ASIC2: variants seen among roughly 807,000 people sequenced by gnomAD.
The protein encoded by ASIC2 is acid-sensing ion channel 2.
In ASIC2, 25 loss-of-function variants were observed where a neutral mutation model predicts 57.3. The observed-to-expected ratio is 0.44, with a 90% CI of 0.32 to 0.61. The LOEUF is 0.61. Ranked by LOEUF, ASIC2 falls within the 20% of genes least tolerant of loss-of-function variation. ASIC2 has a pLI of 0.06. For missense variants in ASIC2, 641 were observed against 738.1 expected (o/e 0.87, Z 1.52); for synonymous variants, 319 against 307.5 (o/e 1.04, Z -0.39).
At chr17:33,399,303 A>G (rs964362964) in intron 1 of ASIC2, among the ~76,000 whole-genome samples, 9 of 152,304 alleles carry the variant, frequency 5.9e-5, no homozygotes, top group African/African-American at 2.2e-4. Flanking sequence ...GATCTCTGAC[A>G]ACCTGTTTGC....
At chr17:33,423,585 T>C (rs959093662) in intron 1 of ASIC2, among the ~76,000 whole-genome samples, 2 of 152,196 alleles carry the variant, frequency 1.3e-5, no homozygotes, top group Non-Finnish European at 2.9e-5. Flanking sequence ...CACCCTATGG[T>C]AGACTTGCCT....
At chr17:33,878,744 G>C (rs1292129460) in intron 1 of ASIC2, among the ~76,000 whole-genome samples, 1 of 152,164 alleles carries the variant, frequency 6.6e-6, no homozygotes, top group African/African-American at 2.4e-5. Flanking sequence ...TCACATTCAG[G>C]AAATACAGAG....
At chr17:33,335,308 G>A (rs1309457572) in intron 1 of ASIC2, among the ~76,000 whole-genome samples, 1 of 152,188 alleles carries the variant, frequency 6.6e-6, no homozygotes, top group Admixed American at 6.5e-5. Flanking sequence ...CAAAAGTATA[G>A]TAATAATGAA....
chr17:33,183,618 T>A (rs1906071095), intron 1 of ASIC2, among the ~76,000 whole-genome samples: 1 of 152,236 alleles, frequency 6.6e-6, no homozygotes. Flanking sequence ...AGACACTGTA[T>A]CTGCTTTTCT....
chr17:33,245,708 CAT>C (rs1908665343), intron 1 of ASIC2, among the ~76,000 whole-genome samples: 1 of 151,902 alleles, frequency 6.6e-6, no homozygotes, highest in African/African-American at 2.4e-5. Context: ...CAGAGGGTAA[CAT>C]GAAAAAAGGG....
chr17:33,752,125 C>A (rs1910454299), intron 1 of ASIC2, among the ~76,000 whole-genome samples: 1 of 152,078 alleles, frequency 6.6e-6, no homozygotes, highest in Non-Finnish European at 1.5e-5. Context: ...TAGAGACTGA[C>A]CCAGGAACAC....
chr17:33,558,796 T>C (rs1413273613), intron 1 of ASIC2, among the ~76,000 whole-genome samples: 1 of 152,094 alleles, frequency 6.6e-6, no homozygotes, highest in Non-Finnish European at 1.5e-5. Flanking sequence ...TGATCCTTAC[T>C]GTTGTTGTTT....
At chr17:33,649,781 T>C (rs188019596) in intron 1 of ASIC2, among the ~76,000 whole-genome samples, 29 of 152,288 alleles carry the variant, frequency 1.9e-4, no homozygotes, top group Admixed American at 3.9e-4. Flanking sequence ...TAAAGGAAGG[T>C]AAATTTTGAA....
At chr17:33,182,513 A>G (rs1046257387) in intron 1 of ASIC2, among the ~76,000 whole-genome samples, 1 of 152,196 alleles carries the variant, frequency 6.6e-6, no homozygotes, top group Admixed American at 6.5e-5. Flanking sequence ...CACCATCAAG[A>G]AAATCAGTGT....
chr17:33,875,150 T>A (rs1338791450), intron 1 of ASIC2, among the ~76,000 whole-genome samples: 1 of 152,132 alleles, frequency 6.6e-6, no homozygotes, highest in African/African-American at 2.4e-5. Flanking sequence ...TGATTTCCCA[T>A]GGAGTGGAAA....
intron 1 of ASIC2, among the ~76,000 whole-genome samples, chr17:33,864,479 G>A (rs937177782): frequency 6.6e-6 from 1 of 152,140 alleles, no homozygotes; most frequent in African/African-American, 2.4e-5. Flanking sequence ...CACCCAACCA[G>A]TTCCTCTCAC....
At chr17:33,033,005 C>T (rs1472711160) in intron 3 of ASIC2, among the ~76,000 whole-genome samples, 1 of 152,132 alleles carries the variant, frequency 6.6e-6, no homozygotes, top group South Asian at 2.1e-4. Flanking sequence ...CATGGTGGCT[C>T]ATGCCTGTAA....
At chr17:33,878,624 T>G (rs1210591189) in intron 1 of ASIC2, among the ~76,000 whole-genome samples, 5 of 152,174 alleles carry the variant, frequency 3.3e-5, no homozygotes, top group African/African-American at 9.7e-5. Context: ...ACCAAATCTA[T>G]GTCTGACTGG....
In ASIC2 at chr17:33,021,239, T is replaced by TGAG; in HGVS notation, c.1420_1421insCTC (p.Tyr474delinsSerHis). On this transcript the variant is annotated protein_altering_variant, in exon 7 of 10. Transcript: ENST00000225823. ...CTTACCAAGTAAGGCAGCAACTTCA[T>TGAG]ACGCCTTCTTCTGTTCAATTGTCTC... 1 of 1,394,202 alleles carries TGAG rather than the reference T, an allele frequency of 7.2e-7. No individual in the cohort carries two copies. Among genetic ancestry groups the TGAG allele is most frequent in the Non-Finnish European group, 9.6e-7 (1 of 1,040,846 alleles). The allele number at this position is 1,394,202 out of a possible 1,614,324, so 86.4% of individuals were successfully genotyped here. A position where few individuals can be genotyped will look rare whatever the true frequency, so the allele number is the denominator to read the frequency against.
chr17:33,398,754 C>T (rs936379365), intron 1 of ASIC2, among the ~76,000 whole-genome samples: 10 of 152,124 alleles, frequency 6.6e-5, no homozygotes, highest in Non-Finnish European at 1.5e-4. Flanking sequence ...AACATGATTG[C>T]CACCTTTTTC....
chr17:34,137,191 C>A (rs9900973), intron 1 of ASIC2, among the ~76,000 whole-genome samples: 19,078 of 152,082 alleles, frequency 0.13, 1,367 homozygotes, highest in African/African-American at 0.2. Context: ...ATATGAGATT[C>A]CACTGAGAGC....
Position 33,090,468 on chromosome 17 carries a change from C to A in ASIC2, c.860-1478G>T, listed in dbSNP as rs529565401. Among the ~76,000 whole-genome samples the A allele has an allele frequency of 2.6e-5, 4 of 152,290 alleles. No individual in the cohort carries two copies. The East Asian group carries it at 5.8e-4, about 22-fold the overall frequency. ...ATGAATAAATGGGAGATTTATGGGT[C>A]AAGCCTCAATCATTTATGAATGGAC... On this transcript the variant is annotated intron_variant, in intron 2 of 9. Transcript: ENST00000225823.
At chr17:33,034,859 A>G (rs1390119044) in intron 3 of ASIC2, among the ~76,000 whole-genome samples, 1 of 152,152 alleles carries the variant, frequency 6.6e-6, no homozygotes, top group African/African-American at 2.4e-5. Context: ...GATCTATGAA[A>G]TGATGCTTTT....
At chr17:33,368,120 T>C (rs1908892966) in intron 1 of ASIC2, among the ~76,000 whole-genome samples, 1 of 152,242 alleles carries the variant, frequency 6.6e-6, no homozygotes, top group Admixed American at 6.5e-5. Flanking sequence ...CTCTCTCTTC[T>C]TGAACCCAGT....
Sources: gnomAD v4.1 joint callset for allele counts (sites outside exome capture counted in the v4.1 genomes callset) on GRCh38, gnomAD v4.1.1 for gene constraint, MANE v1.5 for transcripts, NCBI Gene and HGNC (gene_info 2026-07-23, HGNC 2026-07-21) for gene names.